The following COL19A1 variants were observed in gnomAD, a reference collection of about 807,000 sequenced individuals.
The protein encoded by COL19A1 is collagen alpha-1(XIX) chain.
In COL19A1, 159 loss-of-function variants were observed where a neutral mutation model predicts 190.2. The ratio of observed to expected loss-of-function variants is 0.84; its 90% CI spans 0.73 to 0.95. COL19A1 has a LOEUF of 0.95. Among genes scored for constraint, COL19A1 ranks in the 40% least tolerant of loss-of-function variants. The pLI, the probability that COL19A1 is intolerant of heterozygous loss-of-function variation, is 0.00. For missense variants in COL19A1, 1,418 were observed against 1,431.9 expected, an observed-to-expected ratio of 0.99 and a Z score of 0.16; for synonymous variants, 509 against 458.9, an observed-to-expected ratio of 1.11 and a Z score of -1.39.
chr6:70,193,276 A>T (rs769726847), intron 48 of COL19A1, among the ~76,000 whole-genome samples: 1 of 152,066 alleles, frequency 6.6e-6, no homozygotes, highest in Non-Finnish European at 1.5e-5. Context: ...TTCTGTGGCT[A>T]CTCTCATGAA....
intron 15 of COL19A1, among the ~76,000 whole-genome samples, chr6:70,090,332 C>T (rs1782831211): frequency 6.6e-6 from 1 of 152,118 alleles, no homozygotes; most frequent in Non-Finnish European, 1.5e-5. Context: ...CATGTACAGA[C>T]ATTTTTTTGG....
At chr6:69,976,215 T>C (rs1295395038) in intron 11 of COL19A1, among the ~76,000 whole-genome samples, 1 of 152,204 alleles carries the variant, frequency 6.6e-6, no homozygotes, top group Non-Finnish European at 1.5e-5. Context: ...TTATCTGCCC[T>C]TAATCTGTCC....
chr6:70,065,363 T>A (rs1781113390), intron 14 of COL19A1, among the ~76,000 whole-genome samples: 2 of 152,192 alleles, frequency 1.3e-5, no homozygotes, highest in Non-Finnish European at 2.9e-5. Flanking sequence ...GGGGAAAGGA[T>A]TCCCTATTTA....
At chr6:70,191,116 T>C (rs1766843392) in intron 48 of COL19A1, among the ~76,000 whole-genome samples, 1 of 152,218 alleles carries the variant, frequency 6.6e-6, no homozygotes, top group African/African-American at 2.4e-5. Flanking sequence ...ATTTTCTATC[T>C]GGCCCTTGCA....
Position 70,023,824 on chromosome 6 carries a change from G to A in COL19A1, c.1080+144G>A, listed in dbSNP as rs56831384. On this transcript the variant is annotated intron_variant, in intron 12 of 50. Coordinates refer to ENST00000620364, the MANE Select transcript of COL19A1 (RefSeq NM_001858.6). ...TAAGAATCATGGTGTTCTTTCACAT[G>A]GCTCAGTAGAGGCCCAGTGTTTTTA... is the stretch of plus-strand genomic sequence containing the variant. The A allele has an allele frequency of 0.016, 10,227 of 645,546 alleles. 694 individuals are homozygous for A. Among genetic ancestry groups the A allele is most frequent in the African/African-American group, 0.15 (8,105 of 52,838 alleles). 40.0% of individuals were successfully genotyped at this position (645,546 alleles called of 1,614,324 possible).
chr6:70,098,943 G>A (rs759634477), intron 15 of COL19A1, among the ~76,000 whole-genome samples: 19 of 151,490 alleles, frequency 1.3e-4, no homozygotes, highest in Non-Finnish European at 2.5e-4. Context: ...CCTAAGAAAG[G>A]TGCCATGGCT....
chr6:69,875,841 G>A (rs1249599749), intron 1 of COL19A1, among the ~76,000 whole-genome samples: 4 of 152,178 alleles, frequency 2.6e-5, no homozygotes, highest in Non-Finnish European at 5.9e-5. Context: ...AAGAGGACTG[G>A]ATGGGAGATG....
chr6:70,127,899 G>C (rs1373173281), intron 17 of COL19A1, among the ~76,000 whole-genome samples: 1 of 152,114 alleles, frequency 6.6e-6, no homozygotes, highest in South Asian at 2.1e-4. Context: ...GAATCAAGTG[G>C]TATTGAGAAT....
chr6:69,942,740 A>ATGTGTGTG (rs35406948), intron 9 of COL19A1, among the ~76,000 whole-genome samples: 13,365 of 146,594 alleles, frequency 0.091, 626 homozygotes, highest in Middle Eastern at 0.12. Flanking sequence ...CATTGTGTGT[A>ATGTGTGTG]TGTGTGTGTG....
At chr6:70,140,887 C>T (rs370801666) in intron 19 of COL19A1, 67 bp from the exon 20 acceptor site, 5 of 1,515,630 alleles carry the variant, frequency 3.3e-6, no homozygotes, top group Non-Finnish European at 4.6e-6. Context: ...TAGGGTTTAT[C>T]CACACCCCGG....
chr6:70,149,424 CT>C (rs1221533303), intron 27 of COL19A1, among the ~76,000 whole-genome samples: 1 of 152,108 alleles, frequency 6.6e-6, no homozygotes, highest in Non-Finnish European at 1.5e-5. Flanking sequence ...TGGATGCATT[CT>C]TTGTGCCCTC....
chr6:69,967,187 A>T (rs1328042426), intron 11 of COL19A1, among the ~76,000 whole-genome samples: 2 of 152,188 alleles, frequency 1.3e-5, no homozygotes, highest in Non-Finnish European at 2.9e-5. Flanking sequence ...CCTAAAATGT[A>T]GTCGACTTGG....
At chr6:70,030,750 C>T (rs1392887368) in intron 12 of COL19A1, among the ~76,000 whole-genome samples, 2 of 152,164 alleles carry the variant, frequency 1.3e-5, no homozygotes, top group Non-Finnish European at 2.9e-5. Flanking sequence ...TAGCCAGTTA[C>T]TTAAGTCAAA....
rs1562104986 is a variant in COL19A1 at position 70,034,263 on chromosome 6, G to A, written c.1099G>A (p.Gly367Ser). 1 of 1,612,620 alleles carries A rather than the reference G, an allele frequency of 6.2e-7. No individual in the cohort carries two copies. The highest frequency in any genetic ancestry group is 1.7e-5 in the Admixed American group (1 of 59,968). ...NGENGLKGDL[G>S]PHGPPGPKGE... ...TCTACAGGGTTTGAAAGGTGACTTG[G>A]GTCCTCATGGTCCACCTGGCCCAAA... is the stretch of plus-strand genomic sequence containing the variant. Residue 367 changes from glycine (G) to serine (S), a missense_variant, in exon 13 of 51, where the codon GGT becomes AGT. By Grantham distance (56) the Gly-to-Ser change is moderately conservative. Transcript: ENST00000620364.
At chr6:70,063,239 C>G (rs1780957005) in intron 14 of COL19A1, among the ~76,000 whole-genome samples, 1 of 152,136 alleles carries the variant, frequency 6.6e-6, no homozygotes, top group Non-Finnish European at 1.5e-5. Context: ...AAGTAAAGCA[C>G]TCCTCAGCAA....
chr6:69,955,711 G>A (rs952095567), intron 9 of COL19A1, among the ~76,000 whole-genome samples: 7 of 151,974 alleles, frequency 4.6e-5, no homozygotes, highest in African/African-American at 1.7e-4. Context: ...AGGGACCATA[G>A]TATTAAGAGA....
At chr6:70,133,834 T>C (rs1020604034) in intron 18 of COL19A1, among the ~76,000 whole-genome samples, 3 of 152,216 alleles carry the variant, frequency 2.0e-5, no homozygotes, top group African/African-American at 7.2e-5. Flanking sequence ...TGCTTTTGCT[T>C]GCAGAATTTT....
At chr6:70,106,922 C>G (rs1387790266) in intron 16 of COL19A1, among the ~76,000 whole-genome samples, 3 of 152,182 alleles carry the variant, frequency 2.0e-5, no homozygotes, top group African/African-American at 7.2e-5. Context: ...GCACTAACTC[C>G]TGAGGAAACA....
intron 18 of COL19A1, among the ~76,000 whole-genome samples, chr6:70,132,040 TAAAG>T (rs1272458708): frequency 6.6e-6 from 1 of 152,120 alleles, no homozygotes; most frequent in African/African-American, 2.4e-5. Context: ...GTACATGATA[TAAAG>T]AGACACATAA....
Sources: allele counts gnomAD v4.1 joint callset (sites outside exome capture counted in the v4.1 genomes callset), GRCh38; gene constraint gnomAD v4.1.1; transcripts MANE v1.5; gene names NCBI Gene and HGNC (gene_info 2026-07-23, HGNC 2026-07-21).